DAPK2: variants seen among roughly 807,000 people sequenced by gnomAD.
DAPK2 encodes the protein death-associated protein kinase 2.
A neutral mutation model predicts 44.1 loss-of-function variants in DAPK2; 35 were observed. The observed-to-expected ratio is 0.79, with a 90% CI of 0.61 to 1.05. The LOEUF is 1.05. Among genes scored for constraint, DAPK2 ranks in the 50% least tolerant of loss-of-function variants. The pLI is 0.00. For missense variants in DAPK2, 453 were observed against 483.2 expected (o/e 0.94, Z 0.59); for synonymous variants, 174 against 182.6 (o/e 0.95, Z 0.38).
At chr15:63,969,053 C>A (rs1453220259) in intron 3 of DAPK2, among the ~76,000 whole-genome samples, 4 of 152,214 alleles carry the variant, frequency 2.6e-5, no homozygotes. Flanking sequence ...GCCTCACCAT[C>A]CTTGGTGACC....
chr15:64,002,960 G>GACC lies in DAPK2; in HGVS notation c.93-19207_93-19206insGGT, dbSNP rs1567266528. On this transcript the variant is annotated intron_variant, in intron 1 of 10. Transcript: ENST00000261891. ...TGTGTGTGTGTGTGTGTGTGTGTGT[G>GACC]TGTGTCGTGGGACCTGTGTGTGTGT... is the stretch of plus-strand genomic sequence containing the variant. Among the ~76,000 whole-genome samples the GACC allele has an allele frequency of 3.1e-3, 356 of 115,524 alleles. 4 individuals are homozygous for GACC. The highest frequency in any genetic ancestry group is 0.02 in the East Asian group (67 of 3,384). The allele number at this position is 115,524 out of a possible 152,430, so 75.8% of individuals were successfully genotyped here. A position where few individuals can be genotyped will look rare whatever the true frequency, so the allele number is the denominator to read the frequency against.
chr15:64,002,973 C>CGTGTGTGT lies in DAPK2; in HGVS notation c.93-19220_93-19219insACACACAC, dbSNP rs1567266632. 1.6e-3 allele frequency among the ~76,000 whole-genome samples: 119 copies of CGTGTGTGT among 75,498 alleles called. 8 individuals carry two copies. The highest frequency in any genetic ancestry group is 6.8e-3 in the African/African-American group (113 of 16,682). 49.5% of individuals were successfully genotyped at this position (75,498 alleles called of 152,430 possible). On this transcript the variant is annotated intron_variant, in intron 1 of 10. Coordinates refer to ENST00000261891, the Ensembl canonical transcript of DAPK2. The stretch of plus-strand genomic sequence containing the variant: ...GTGTGTGTGTGTGTGTGTCGTGGGA[C>CGTGTGTGT]CTGTGTGTGTGTGTGTGTGTGTGTG...
intron 8 of DAPK2, among the ~76,000 whole-genome samples, chr15:63,915,921 T>C (rs1272627374): frequency 6.6e-6 from 1 of 151,354 alleles, no homozygotes; most frequent in Admixed American, 6.6e-5. Context: ...CCAGAGGGAA[T>C]GTGGCACAAA....
chr15:64,006,153 C>T (rs2079224067), intron 1 of DAPK2, among the ~76,000 whole-genome samples: 1 of 152,060 alleles, frequency 6.6e-6, no homozygotes, highest in African/African-American at 2.4e-5. Context: ...GAGAGGGTGT[C>T]AGGACCAACC....
At chr15:64,029,058 C>T (rs978695333) in intron 1 of DAPK2, among the ~76,000 whole-genome samples, 1 of 152,080 alleles carries the variant, frequency 6.6e-6, no homozygotes, top group South Asian at 2.1e-4. Flanking sequence ...TACACACTGG[C>T]AATAAATAAG....
chr15:64,027,905 G>A (rs889286114), intron 1 of DAPK2, among the ~76,000 whole-genome samples: 1 of 152,168 alleles, frequency 6.6e-6, no homozygotes, highest in African/African-American at 2.4e-5. Context: ...AATGCAGAGA[G>A]GAAATTAAAC....
chr15:63,944,852 T>C (rs1032811414), intron 3 of DAPK2, among the ~76,000 whole-genome samples: 2 of 152,138 alleles, frequency 1.3e-5, no homozygotes, highest in African/African-American at 4.8e-5. Context: ...CCATGCTCTC[T>C]TTCCAGCCTC....
intron 8 of DAPK2, chr15:63,920,781 G>T (rs900482306): frequency 2.0e-5 from 3 of 152,238 alleles, no homozygotes; most frequent in African/African-American, 7.2e-5. Context: ...AAGCCCTGCT[G>T]CTCCTGCTTG....
At position 63,912,203 on chromosome 15, in the gene DAPK2, A is replaced by G; in HGVS notation, c.859-6T>C. ...GCTTGCTGGTTGTCCACCGGCTGAGAGACAAAGCAGAGCATGGCAGCTGAT... is the reference window on the plus strand; with the variant it reads ...GCTTGCTGGTTGTCCACCGGCTGAGGGACAAAGCAGAGCATGGCAGCTGAT... On this transcript the variant is annotated splice_polypyrimidine_tract_variant and splice_region_variant and intron_variant, in intron 8 of 10. Coordinates refer to ENST00000261891, the Ensembl canonical transcript of DAPK2. The surrounding 1 kb of genome is among the most constrained non-coding windows in gnomAD (Gnocchi z 4.4). The G allele has an allele frequency of 6.2e-7, 1 of 1,613,860 alleles. No homozygotes were observed. The highest frequency in any genetic ancestry group is 8.5e-7 in the Non-Finnish European group (1 of 1,179,984).
chr15:64,045,117 C>G (rs1207456962), upstream of DAPK2, among the ~76,000 whole-genome samples: 1 of 152,186 alleles, frequency 6.6e-6, no homozygotes, highest in East Asian at 1.9e-4. Context: ...CCACAGCTAA[C>G]AAATCGGGAG....
intron 1 of DAPK2, among the ~76,000 whole-genome samples, chr15:64,031,512 C>T (rs28562208): frequency 4.6e-5 from 7 of 152,180 alleles, no homozygotes; most frequent in East Asian, 1.9e-4. Context: ...GGATTACAAG[C>T]GTCAGCCACC....
intron 1 of DAPK2, among the ~76,000 whole-genome samples, chr15:63,993,880 T>A (rs142779901): frequency 1.3e-5 from 2 of 152,170 alleles, no homozygotes; most frequent in South Asian, 4.2e-4. Flanking sequence ...ATGTTTCATA[T>A]TGATACATAT....
chr15:64,000,221 C>T (rs1346466220), intron 1 of DAPK2, among the ~76,000 whole-genome samples: 1 of 149,400 alleles, frequency 6.7e-6, no homozygotes, highest in African/African-American at 2.5e-5. Context: ...ACACACACAG[C>T]CCCTAGGTCT....
rs190137830 is a variant in DAPK2 at position 63,939,590 on chromosome 15, C to T, written c.454-229G>A. Among the ~76,000 whole-genome samples the T allele has an allele frequency of 6.6e-6, 1 of 152,308 alleles. No individual in the cohort carries two copies. The highest frequency in any genetic ancestry group is 2.4e-5 in the African/African-American group (1 of 41,562). ...AGGGCAAGGCCTGGGTTTTACCAAA[C>T]CTTCTGCTCACAGCAGAACTGAAGA... On this transcript the variant is annotated intron_variant, in intron 3 of 10. Transcript: ENST00000261891. This position sits in a 1 kb window ranked among gnomAD's most constrained non-coding sequence, Gnocchi z 4.3.
At chr15:63,948,938 G>A (rs949455691) in intron 3 of DAPK2, among the ~76,000 whole-genome samples, 1 of 152,178 alleles carries the variant, frequency 6.6e-6, no homozygotes, top group African/African-American at 2.4e-5. Flanking sequence ...TCAGCTAATA[G>A]GTAATGGAGC....
chr15:63,955,191 A>C (rs1045325266), intron 3 of DAPK2, among the ~76,000 whole-genome samples: 2 of 152,190 alleles, frequency 1.3e-5, no homozygotes, highest in Non-Finnish European at 2.9e-5. Context: ...ATTATGTTGA[A>C]TAACAGTGGT....
At chr15:63,992,184 A>T (rs775072720) in intron 1 of DAPK2, among the ~76,000 whole-genome samples, 17 of 152,232 alleles carry the variant, frequency 1.1e-4, no homozygotes, top group Non-Finnish European at 2.4e-4. Context: ...ACCTGAAATA[A>T]GTTAGGCTCA....
At chr15:63,976,692 T>C (rs1214775558) in intron 2 of DAPK2, among the ~76,000 whole-genome samples, 4 of 152,184 alleles carry the variant, frequency 2.6e-5, no homozygotes, top group African/African-American at 9.7e-5. Context: ...AGAGTGAGAA[T>C]CGGTCTCAAA....
intron 4 of DAPK2, among the ~76,000 whole-genome samples, chr15:63,937,579 C>A (rs1184539550): frequency 6.6e-6 from 1 of 152,134 alleles, no homozygotes; most frequent in African/African-American, 2.4e-5. Flanking sequence ...GGCTCCCTCC[C>A]CACCCCTCTT....
Sources: gnomAD v4.1 joint callset for allele counts (sites outside exome capture counted in the v4.1 genomes callset) on GRCh38, gnomAD v4.1.1 for gene constraint, Gnocchi (gnomAD v3.1) non-coding constraint, MANE v1.5 for transcripts, NCBI Gene and HGNC (gene_info 2026-07-23, HGNC 2026-07-21) for gene names.